Variants in ATF6 observed in about 807,000 individuals in gnomAD.
ATF6 encodes the protein activating transcription factor 6.
A neutral mutation model predicts 83.6 loss-of-function variants in ATF6; 53 were observed. That is an observed-to-expected ratio of 0.63 (90% CI 0.51 to 0.80). The LOEUF (loss-of-function observed/expected upper bound fraction) is 0.80, where lower values mean the gene tolerates loss of function less well. ATF6 is among the 30% of genes least tolerant of loss of function. ATF6 has a pLI of 0.00. For synonymous variants in ATF6, 288 were observed against 285.8 expected (o/e 1.01, Z -0.08); for missense variants, 744 against 797.9 (o/e 0.93, Z 0.81).
Position 161,903,046 on chromosome 1 carries a change from A to G in ATF6, c.1720-9250A>G, listed in dbSNP as rs1238251613. 3.3e-5 allele frequency among the ~76,000 whole-genome samples: 5 copies of G among 152,142 alleles called. No homozygotes were observed. In the South Asian group the frequency reaches 1.0e-3, roughly 32 times the overall value. Reference sequence around the variant, plus strand: ...GACCTTTTTTTTCTGCTGATAACTCATACCTTTTAATTAAACTTTAATTTA... The same window carrying G: ...GACCTTTTTTTTCTGCTGATAACTCGTACCTTTTAATTAAACTTTAATTTA... On this transcript the variant is annotated intron_variant, in intron 14 of 15. Transcript: ENST00000367942.
At chr1:161,781,877 C>T (rs1390118891) in intron 2 of ATF6, 35 bp from the exon 3 acceptor site, 2 of 1,398,898 alleles carry the variant, frequency 1.4e-6, no homozygotes, top group East Asian at 2.3e-5. Context: ...ATGTTTTATT[C>T]TTTTAATATT....
chr1:161,933,719 C>G (rs916896155), intron 15 of ATF6, among the ~76,000 whole-genome samples: 1 of 152,234 alleles, frequency 6.6e-6, no homozygotes, highest in Non-Finnish European at 1.5e-5. Flanking sequence ...AGTCTGCACT[C>G]CTAATTTTGG....
chr1:161,793,681 A>G (rs1325245365), intron 6 of ATF6, among the ~76,000 whole-genome samples: 1 of 152,238 alleles, frequency 6.6e-6, no homozygotes, highest in Non-Finnish European at 1.5e-5. Flanking sequence ...ACTAGCGTAT[A>G]AAGCAGGGGT....
intron 6 of ATF6, among the ~76,000 whole-genome samples, chr1:161,795,463 G>A (rs971647152): frequency 2.0e-5 from 3 of 152,160 alleles, no homozygotes; most frequent in Non-Finnish European, 4.4e-5. Flanking sequence ...TTTTTTAGAT[G>A]AGAACGCTAA....
At chr1:161,821,246 A>G in intron 9 of ATF6, 85 bp downstream of exon 9, 1 of 929,664 alleles carries the variant, frequency 1.1e-6, no homozygotes, top group Non-Finnish European at 1.6e-6. Flanking sequence ...AAACTAGAGA[A>G]AAAATGATTT....
At chr1:161,845,518 A>G (rs1308657288) in intron 9 of ATF6, among the ~76,000 whole-genome samples, 2 of 152,190 alleles carry the variant, frequency 1.3e-5, no homozygotes, top group African/African-American at 4.8e-5. Context: ...CTGTAATCCC[A>G]GCACTTTGGG....
In ATF6 at chr1:161,784,051, G is replaced by A. The variant is rs2271012; in HGVS notation, c.309G>A (p.Ser103=). ...LSPASSSYSV[S]SPRSVDSYSS... ...CAGCCTCCTCAAGTTATTCAGTCTC[G>A]TCTCCTCGGTCAGTGGACTCTTATT... The change falls in exon 4 of 16, where the codon TCG becomes TCA. Residue 103 remains serine (S), a synonymous_variant. Transcript: ENST00000367942. The A allele has an allele frequency of 0.094, 151,291 of 1,610,374 alleles. 12,762 individuals are homozygous for A. The highest frequency in any genetic ancestry group is 0.39 in the Admixed American group (23,402 of 59,894).
chr1:161,792,392 ATTTGT>A, intron 6 of ATF6, 65 bp downstream of exon 6: 1 of 1,445,468 alleles, frequency 6.9e-7, no homozygotes, highest in Non-Finnish European at 9.5e-7. Flanking sequence ...GTGTCATATG[ATTTGT>A]TTTAATTCAG....
At chr1:161,932,185 A>G (rs979881760) in intron 15 of ATF6, among the ~76,000 whole-genome samples, 1 of 152,230 alleles carries the variant, frequency 6.6e-6, no homozygotes, top group African/African-American at 2.4e-5. Context: ...TAAATGGTCA[A>G]TTGGAATGAC....
At chr1:161,772,687 C>T (rs1359952364) in intron 1 of ATF6, among the ~76,000 whole-genome samples, 3 of 151,790 alleles carry the variant, frequency 2.0e-5, no homozygotes, top group Non-Finnish European at 2.9e-5. Flanking sequence ...TAGATCATCT[C>T]TGTCAGTAAA....
At position 161,791,505 on chromosome 1, in the gene ATF6, A is replaced by G. The variant is rs781491424; in HGVS notation, c.452A>G (p.Asp151Gly). The change falls in exon 5 of 16, where the codon GAT becomes GGT. Residue 151 changes from aspartate to glycine, a missense_variant. Coordinates refer to ENST00000367942, the MANE Select transcript of ATF6 (RefSeq NM_007348.4). ...SLSSAEPLKE[D>G]KPVTGPRNKT... ...TCTTCAGCGGAGCCACTGAAGGAAG[A>G]TAAGCCTGTCACTGGTCCTAGGAAC... The G allele has an allele frequency of 1.9e-5, 31 of 1,612,352 alleles. No individual in the cohort carries two copies. The South Asian group carries it at 3.2e-4, about 17-fold the overall frequency.
intron 1 of ATF6, among the ~76,000 whole-genome samples, chr1:161,769,735 C>T (rs190562419): frequency 2.0e-5 from 3 of 152,012 alleles, no homozygotes; most frequent in East Asian, 3.9e-4. Context: ...GATCATCAGG[C>T]GTTAGATTCT....
At chr1:161,849,579 T>A (rs2101822903) in intron 10 of ATF6, among the ~76,000 whole-genome samples, 1 of 152,220 alleles carries the variant, frequency 6.6e-6, no homozygotes, top group South Asian at 2.1e-4. Flanking sequence ...GTTACTATGG[T>A]TTTTTAGTTT....
intron 7 of ATF6, among the ~76,000 whole-genome samples, chr1:161,806,172 A>G (rs141652735): frequency 1.4e-3 from 208 of 152,302 alleles, no homozygotes; most frequent in Admixed American, 9.8e-4. Context: ...TTCTCTGTGC[A>G]GTTTCTTAGT....
chr1:161,806,156 T>C (rs886608953), intron 7 of ATF6, among the ~76,000 whole-genome samples: 5 of 152,240 alleles, frequency 3.3e-5, no homozygotes, highest in African/African-American at 1.2e-4. Flanking sequence ...CATTTCAGTG[T>C]AGAAGTTCTC....
chr1:161,778,633 A>G (rs1039980044), intron 2 of ATF6, among the ~76,000 whole-genome samples: 2 of 152,164 alleles, frequency 1.3e-5, no homozygotes, highest in African/African-American at 4.8e-5. Context: ...GTGACTTTGG[A>G]AAAGTCACTA....
intron 13 of ATF6, among the ~76,000 whole-genome samples, chr1:161,862,389 T>G (rs1686904121): frequency 6.6e-6 from 1 of 152,222 alleles, no homozygotes; most frequent in Non-Finnish European, 1.5e-5. Flanking sequence ...TCCCTTTAAC[T>G]CTTCCAGATA....
chr1:161,806,132 TG>T (rs1234748746), intron 7 of ATF6, among the ~76,000 whole-genome samples: 2 of 152,204 alleles, frequency 1.3e-5, no homozygotes, highest in African/African-American at 4.8e-5. Context: ...ATGGAAAAAA[TG>T]AACATGATCT....
intron 1 of ATF6, among the ~76,000 whole-genome samples, chr1:161,769,957 T>TCC (rs1684348014): frequency 2.0e-5 from 3 of 152,080 alleles, no homozygotes; most frequent in African/African-American, 7.2e-5. Flanking sequence ...CCCAACAGGG[T>TCC]TGGGAACCAC....
Sources: allele counts gnomAD v4.1 joint callset (sites outside exome capture counted in the v4.1 genomes callset), GRCh38; gene constraint gnomAD v4.1.1; transcripts MANE v1.5; gene names NCBI Gene and HGNC (gene_info 2026-07-23, HGNC 2026-07-21).